The following PSPC1 variants were observed in gnomAD, a reference collection of about 807,000 sequenced individuals.
PSPC1 encodes the protein paraspeckle protein 1.
A neutral mutation model predicts 51.6 loss-of-function variants in PSPC1; 14 were observed. That is an observed-to-expected ratio of 0.27 (90% CI 0.18 to 0.42). The LOEUF is 0.42. PSPC1 is among the 10% of genes least tolerant of loss of function. The pLI is 1.00. For synonymous variants in PSPC1, 193 were observed against 231.9 expected (o/e 0.83, Z 1.53); for missense variants, 406 against 701.1 (o/e 0.58, Z 4.75).
At chr13:19,762,290 G>A (rs1324324979) in intron 2 of PSPC1, among the ~76,000 whole-genome samples, 1 of 152,198 alleles carries the variant, frequency 6.6e-6, no homozygotes, top group Non-Finnish European at 1.5e-5. Context: ...GGGCGTGGTG[G>A]CTCACGCCTG....
intron 6 of PSPC1, among the ~76,000 whole-genome samples, chr13:19,681,585 G>A (rs1208332200): frequency 6.6e-6 from 1 of 152,160 alleles, no homozygotes; most frequent in African/African-American, 2.4e-5. Flanking sequence ...GATTTCCTGT[G>A]AGGCAGACAC....
intron 3 of PSPC1, 48 bp downstream of exon 3, chr13:19,759,275 A>C (rs754555147): frequency 7.1e-7 from 1 of 1,406,900 alleles, no homozygotes; most frequent in Non-Finnish European, 1.0e-6. Flanking sequence ...AAATGTAATG[A>C]ACACCCTTAA....
intron 4 of PSPC1, among the ~76,000 whole-genome samples, chr13:19,744,825 A>G (rs1232398105): frequency 2.6e-5 from 4 of 152,152 alleles, no homozygotes; most frequent in African/African-American, 4.8e-5. Context: ...GGCCTTCCAA[A>G]GTGCTGGGAT....
intron 6 of PSPC1, among the ~76,000 whole-genome samples, chr13:19,682,912 A>T (rs1460635481): frequency 6.6e-6 from 1 of 151,942 alleles, no homozygotes; most frequent in Admixed American, 6.6e-5. Context: ...TAAAAAAAAA[A>T]AATAAATTAG....
intron 6 of PSPC1, among the ~76,000 whole-genome samples, chr13:19,691,610 A>G (rs892998108): frequency 1.3e-5 from 2 of 152,052 alleles, no homozygotes; most frequent in East Asian, 3.9e-4. Flanking sequence ...CTGTTCTGAA[A>G]AAGGCACTTA....
At chr13:19,674,685 C>T (rs1876436125), downstream of PSPC1, 1 of 152,112 alleles carries the variant, frequency 6.6e-6, no homozygotes, top group Admixed American at 6.5e-5. Context: ...GGATGATTAG[C>T]AAAACAAGGA....
rs139687571 is a variant in PSPC1, at chr13:19,713,073, T to C, written c.1159-3474A>G. Among the ~76,000 whole-genome samples, 109 of 152,326 alleles carry C rather than the reference T, an allele frequency of 7.2e-4. 2 individuals are homozygous for C. The East Asian group carries it at 0.02, about 28-fold the overall frequency. ...AGAATCACTTGAGGAAATTCACAAC[T>C]GTGTGCCCACCCAACAAGCAATACA... is the stretch of plus-strand genomic sequence containing the variant. On this transcript the variant is annotated intron_variant, in intron 6 of 8. Coordinates refer to ENST00000338910, the MANE Select transcript of PSPC1 (RefSeq NM_001354909.2).
At chr13:19,755,121 C>A (rs777365499) in intron 3 of PSPC1, among the ~76,000 whole-genome samples, 33 of 151,878 alleles carry the variant, frequency 2.2e-4, no homozygotes, top group Non-Finnish European at 1.5e-5. Flanking sequence ...GTAGTCCCAG[C>A]TACTTGGGGG....
At position 19,751,226 on chromosome 13, in the gene PSPC1, G is replaced by A. The variant is rs764090423; in HGVS notation, c.967+45C>T. On this transcript the variant is annotated intron_variant, in intron 4 of 8. Coordinates refer to ENST00000338910, the MANE Select transcript of PSPC1 (RefSeq NM_001354909.2). ...TACATGAATGGTACACACACTTAAG[G>A]GAAAAAAAAAATCATACCACATGTA... 28 of 1,471,592 alleles carry A rather than the reference G, an allele frequency of 1.9e-5. No homozygotes were observed. The South Asian group carries it at 3.8e-4, about 20-fold the overall frequency. The allele number at this position is 1,471,592 out of a possible 1,614,324, so 91.2% of individuals were successfully genotyped here. A position where few individuals can be genotyped will look rare whatever the true frequency, so the allele number is the denominator to read the frequency against.
chr13:19,679,154 G>A (rs1283883053), intron 6 of PSPC1: 1 of 152,170 alleles, frequency 6.6e-6, no homozygotes, highest in Non-Finnish European at 1.5e-5. Flanking sequence ...TTGTATGCAA[G>A]CTCTGAATTT....
At chr13:19,729,394 A>G (rs1237537365) in intron 6 of PSPC1, among the ~76,000 whole-genome samples, 1 of 151,940 alleles carries the variant, frequency 6.6e-6, no homozygotes, top group Non-Finnish European at 1.5e-5. Flanking sequence ...AAAATTAGCC[A>G]GGTGTGGTGG....
chr13:19,761,579 T>C (rs1209608971), intron 2 of PSPC1, among the ~76,000 whole-genome samples: 1 of 152,156 alleles, frequency 6.6e-6, no homozygotes, highest in Non-Finnish European at 1.5e-5. Context: ...AAAATAACTT[T>C]TCAAAATTAT....
intron 6 of PSPC1, among the ~76,000 whole-genome samples, chr13:19,691,153 C>G (rs1257309260): frequency 6.6e-6 from 1 of 152,150 alleles, no homozygotes; most frequent in African/African-American, 2.4e-5. Flanking sequence ...TCCATTTTTC[C>G]TCCTGAAAAT....
At chr13:19,728,670 TA>T (rs1883674419) in intron 6 of PSPC1, among the ~76,000 whole-genome samples, 2 of 152,158 alleles carry the variant, frequency 1.3e-5, no homozygotes, top group Non-Finnish European at 2.9e-5. Flanking sequence ...AAGTTTGCAG[TA>T]GTAAGAGGCA....
chr13:19,742,061 G>A (rs2138043555), intron 4 of PSPC1, among the ~76,000 whole-genome samples: 1 of 152,232 alleles, frequency 6.6e-6, no homozygotes, highest in Non-Finnish European at 1.5e-5. Context: ...GAACCCGGGA[G>A]GTGGAGGATG....
At chr13:19,696,206 G>A (rs1241178616) in intron 6 of PSPC1, among the ~76,000 whole-genome samples, 3 of 152,164 alleles carry the variant, frequency 2.0e-5, no homozygotes, top group Non-Finnish European at 1.5e-5. Flanking sequence ...TTTTTGGGAA[G>A]CAGAGTCAGA....
At chr13:19,720,646 A>G (rs1478266724) in intron 6 of PSPC1, among the ~76,000 whole-genome samples, 5 of 152,222 alleles carry the variant, frequency 3.3e-5, no homozygotes, top group East Asian at 1.9e-4. Flanking sequence ...AAAATTTGCC[A>G]TTATAAAACA....
intron 6 of PSPC1, chr13:19,678,004 T>C (rs1876861173): frequency 3.1e-6 from 1 of 326,544 alleles, no homozygotes; most frequent in Non-Finnish European, 6.0e-6. Context: ...CAAAATACTC[T>C]CCATTTCCTC....
intron 6 of PSPC1, among the ~76,000 whole-genome samples, chr13:19,680,715 T>C (rs971410060): frequency 1.3e-5 from 2 of 152,222 alleles, no homozygotes; most frequent in African/African-American, 4.8e-5. Flanking sequence ...ACAGGTGGTC[T>C]GTCTTTAATT....
Sources: allele counts gnomAD v4.1 joint callset (sites outside exome capture counted in the v4.1 genomes callset), GRCh38; gene constraint gnomAD v4.1.1; transcripts MANE v1.5; gene names NCBI Gene and HGNC (gene_info 2026-07-23, HGNC 2026-07-21).